Variants in ABLIM2 observed in about 807,000 individuals in gnomAD.
ABLIM2 encodes the protein actin-binding LIM protein 2.
Under a neutral mutation model 97.7 loss-of-function variants are expected in ABLIM2, and 53 were observed. The ratio of observed to expected loss-of-function variants is 0.54; its 90% CI spans 0.44 to 0.68. The LOEUF (loss-of-function observed/expected upper bound fraction) is 0.68. Among genes scored for constraint, ABLIM2 ranks in the 30% least tolerant of loss-of-function variants. The pLI is 0.00. For missense variants in ABLIM2, 835 were observed against 867.2 expected (o/e 0.96, Z 0.47); for synonymous variants, 361 against 345.8 (o/e 1.04, Z -0.49).
chr4:8,059,057 T>C (rs1801233856), intron 7 of ABLIM2, among the ~76,000 whole-genome samples: 1 of 152,128 alleles, frequency 6.6e-6, no homozygotes, highest in African/African-American at 2.4e-5. Context: ...TCCTGACTCC[T>C]GTTGGGAAGA....
rs1781586734 is a variant in ABLIM2, at chr4:8,032,503, C to A, written c.1048-2727G>T. Reference sequence around the variant, plus strand: ...AAATAACCAGCAGCCAGGAGGGTGCCCCATGTCACAAGGGCCGTGGCCCCG... The same window carrying A: ...AAATAACCAGCAGCCAGGAGGGTGCACCATGTCACAAGGGCCGTGGCCCCG... On this transcript the variant is annotated intron_variant, in intron 10 of 20. Coordinates refer to ENST00000447017, the MANE Select transcript of ABLIM2 (RefSeq NM_001130083.2). The surrounding 1 kb of genome is among the most constrained non-coding windows in gnomAD (Gnocchi z 4.3). 1.1e-6 allele frequency: 1 copy of A among 936,108 alleles called. No individual in the cohort carries two copies. Among genetic ancestry groups the A allele is most frequent in the Non-Finnish European group, 1.7e-6 (1 of 602,286 alleles). The allele number at this position is 936,108 out of a possible 1,614,324, so 58.0% of individuals were successfully genotyped here.
intron 16 of ABLIM2, among the ~76,000 whole-genome samples, chr4:8,006,687 G>T (rs540404616): frequency 7.9e-5 from 12 of 152,304 alleles, no homozygotes; most frequent in Admixed American, 6.5e-5. Context: ...CCAGCCAGGG[G>T]CAGGGATTCC....
At chr4:8,025,053 C>T (rs1253839845) in intron 12 of ABLIM2, among the ~76,000 whole-genome samples, 1 of 152,208 alleles carries the variant, frequency 6.6e-6, no homozygotes, top group African/African-American at 2.4e-5. Context: ...CCTCAGCCTC[C>T]CTAATAGCTG....
At chr4:8,141,801 T>C (rs1851020249) in intron 1 of ABLIM2, among the ~76,000 whole-genome samples, 1 of 152,254 alleles carries the variant, frequency 6.6e-6, no homozygotes, top group African/African-American at 2.4e-5. Context: ...CAACCAGTGC[T>C]ACTTGCCACA....
intron 6 of ABLIM2, among the ~76,000 whole-genome samples, chr4:8,070,060 T>G (rs972410199): frequency 6.6e-6 from 1 of 151,966 alleles, no homozygotes; most frequent in African/African-American, 2.4e-5. Context: ...TATCTGTGTA[T>G]CTGAGTGTGT....
intron 8 of ABLIM2, among the ~76,000 whole-genome samples, chr4:8,049,800 C>G (rs1579800959): frequency 6.6e-6 from 1 of 152,200 alleles, no homozygotes; most frequent in African/African-American, 2.4e-5. Context: ...ATGATCTTGA[C>G]TCACTGCAAC....
chr4:8,041,796 C>T (rs11947042), intron 9 of ABLIM2, among the ~76,000 whole-genome samples: 3,826 of 151,880 alleles, frequency 0.025, 63 homozygotes, highest in Non-Finnish European at 0.037. Flanking sequence ...CCCAGCTACT[C>T]GGGAGGCCGA....
rs1037351775 is a variant in ABLIM2, at chr4:8,003,878, T to A, written c.1618+4181A>T. On this transcript the variant is annotated intron_variant, in intron 16 of 20. Transcript: ENST00000447017. The surrounding 1 kb of genome is among the most constrained non-coding windows in gnomAD (Gnocchi z 4.2). ...CTGTGCCTGGCCCTCTTCTTCCAGTTCTGATGTCTGCATATTCCATACCTA... is the reference window on the plus strand; with the variant it reads ...CTGTGCCTGGCCCTCTTCTTCCAGTACTGATGTCTGCATATTCCATACCTA... Among the ~76,000 whole-genome samples the A allele has an allele frequency of 1.3e-5, 2 of 152,108 alleles. No homozygotes were observed. Among genetic ancestry groups the A allele is most frequent in the African/African-American group, 4.8e-5 (2 of 41,428 alleles).
rs966460543 is a variant in ABLIM2, at chr4:8,023,814, T to C, written c.1268-3511A>G. ...CCTTGTGGACTGACGGCTCTTGCTATTATACTCTAGTTTACAATCCAATGA... is the reference window on the plus strand; with the variant it reads ...CCTTGTGGACTGACGGCTCTTGCTACTATACTCTAGTTTACAATCCAATGA... On this transcript the variant is annotated intron_variant, in intron 12 of 20. Transcript: ENST00000447017. This position sits in a 1 kb window ranked among gnomAD's most constrained non-coding sequence, Gnocchi z 5.7. Among the ~76,000 whole-genome samples, 5 of 152,190 alleles carry C rather than the reference T, an allele frequency of 3.3e-5. No homozygotes were observed. The highest frequency in any genetic ancestry group is 1.2e-4 in the African/African-American group (5 of 41,466).
At position 8,130,400 on chromosome 4, in the gene ABLIM2, C is replaced by A. The variant is rs1849189920; in HGVS notation, c.11-23763G>T. 6.6e-6 allele frequency among the ~76,000 whole-genome samples: 1 copy of A among 152,206 alleles called. No homozygotes were observed. The highest frequency in any genetic ancestry group is 1.5e-5 in the Non-Finnish European group (1 of 68,036). On this transcript the variant is annotated intron_variant, in intron 1 of 20. Coordinates refer to ENST00000447017, the MANE Select transcript of ABLIM2 (RefSeq NM_001130083.2). The surrounding 1 kb of genome is among the most constrained non-coding windows in gnomAD (Gnocchi z 4.2). Reference sequence around the variant, plus strand: ...GTTGGCCTTCTGAGTCCTGCCTGGGCCCTCAGGGTCCTCTTGGCTCAAGAC... The same window carrying A: ...GTTGGCCTTCTGAGTCCTGCCTGGGACCTCAGGGTCCTCTTGGCTCAAGAC...
intron 8 of ABLIM2, among the ~76,000 whole-genome samples, chr4:8,050,759 G>T (rs571951987): frequency 6.6e-6 from 1 of 152,342 alleles, no homozygotes; most frequent in South Asian, 2.1e-4. Context: ...TAGCTCCAAG[G>T]GGACCGAGAT....
chr4:8,135,067 C>G (rs1849992214), intron 1 of ABLIM2, among the ~76,000 whole-genome samples: 1 of 152,186 alleles, frequency 6.6e-6, no homozygotes, highest in Non-Finnish European at 1.5e-5. Flanking sequence ...AAGAAACAGA[C>G]CAGTCCTGAT....
Position 8,095,149 on chromosome 4 carries a change from G to A in ABLIM2, c.338+1950C>T, listed in dbSNP as rs557444726. 6.7e-6 allele frequency among the ~76,000 whole-genome samples: 1 copy of A among 149,752 alleles called. No homozygotes were observed. The highest frequency in any genetic ancestry group is 6.7e-5 in the Admixed American group (1 of 14,952). On this transcript the variant is annotated intron_variant, in intron 3 of 20. Transcript: ENST00000447017. The surrounding 1 kb of genome is among the most constrained non-coding windows in gnomAD (Gnocchi z 4.7). ...TACAGGGTCTTGCTCTGTTACCCAG[G>A]CTGGAGAGCAGTGGTGCAATCATAG...
chr4:8,090,710 T>A (rs1561317584), intron 3 of ABLIM2, among the ~76,000 whole-genome samples: 2 of 152,070 alleles, frequency 1.3e-5, no homozygotes, highest in Admixed American at 1.3e-4. Flanking sequence ...TTTGTCTTTT[T>A]TTTTATTTTT....
rs1810539045 is a variant in ABLIM2 at position 8,069,772 on chromosome 4, C to G, written c.675+7856G>C. The stretch of plus-strand genomic sequence containing the variant: ...CTGTGTACGTTTCGGTGTGTCCATG[C>G]ATGTTGTCTGTGTCTCTCCGTGTGC... On this transcript the variant is annotated intron_variant, in intron 6 of 20. Coordinates refer to ENST00000447017, the MANE Select transcript of ABLIM2 (RefSeq NM_001130083.2). This position sits in a 1 kb window ranked among gnomAD's most constrained non-coding sequence, Gnocchi z 4.2. Among the ~76,000 whole-genome samples the G allele has an allele frequency of 6.6e-6, 1 of 151,174 alleles. No individual in the cohort carries two copies. Among genetic ancestry groups the G allele is most frequent in the African/African-American group, 2.4e-5 (1 of 41,104 alleles).
intron 6 of ABLIM2, among the ~76,000 whole-genome samples, chr4:8,076,010 T>C (rs1020462499): frequency 6.6e-6 from 1 of 152,258 alleles, no homozygotes; most frequent in African/African-American, 2.4e-5. Context: ...AGCACCTCTC[T>C]GGACTTTGCA....
intron 8 of ABLIM2, among the ~76,000 whole-genome samples, chr4:8,047,238 A>C (rs1363097526): frequency 6.6e-6 from 1 of 152,168 alleles, no homozygotes; most frequent in African/African-American, 2.4e-5. Context: ...GGGAGTGGGC[A>C]TGACACTCCA....
intron 12 of ABLIM2, among the ~76,000 whole-genome samples, chr4:8,025,197 G>C (rs1776529045): frequency 6.6e-6 from 1 of 152,210 alleles, no homozygotes; most frequent in African/African-American, 2.4e-5. Flanking sequence ...CAAAGTGCTG[G>C]GATTACAGGG....
intron 8 of ABLIM2, among the ~76,000 whole-genome samples, chr4:8,051,726 G>A (rs1796178482): frequency 1.3e-5 from 2 of 152,196 alleles, no homozygotes; most frequent in South Asian, 2.1e-4. Context: ...CAAACATGGC[G>A]ATTCCTGTGG....
Sources: allele counts gnomAD v4.1 joint callset (sites outside exome capture counted in the v4.1 genomes callset), GRCh38; gene constraint gnomAD v4.1.1; non-coding constraint Gnocchi (gnomAD v3.1); transcripts MANE v1.5; gene names NCBI Gene and HGNC (gene_info 2026-07-23, HGNC 2026-07-21).